B3GALT1: variants seen among roughly 807,000 people sequenced by gnomAD.
B3GALT1 encodes the protein beta-1,3-galactosyltransferase 1, also known as UDP-Gal:betaGlcNAc beta 1,3-galactosyltransferase, polypeptide 1.
In B3GALT1, 10 loss-of-function variants were observed where a neutral mutation model predicts 23.2. That is an observed-to-expected ratio of 0.43 (90% CI 0.27 to 0.73). B3GALT1 has a LOEUF of 0.73. Among genes scored for constraint, B3GALT1 ranks in the 30% least tolerant of loss-of-function variants. The pLI is 0.21. For missense variants in B3GALT1, 299 were observed against 405.4 expected (o/e 0.74, Z 2.25); for synonymous variants, 156 against 141.5 (o/e 1.10, Z -0.73).
At chr2:167,353,093 C>T (rs1373204285) in intron 1 of B3GALT1, among the ~76,000 whole-genome samples, 2 of 152,108 alleles carry the variant, frequency 1.3e-5, no homozygotes, top group Non-Finnish European at 2.9e-5. Flanking sequence ...CTGGTTTATT[C>T]AGTCTTGACC....
chr2:167,506,191 C>G (rs1171089297), intron 2 of B3GALT1, among the ~76,000 whole-genome samples: 1 of 152,160 alleles, frequency 6.6e-6, no homozygotes, highest in Non-Finnish European at 1.5e-5. Context: ...CATTGCACAC[C>G]TCTGTTTTCA....
chr2:167,726,282 G>C (rs1687314678), intron 3 of B3GALT1, among the ~76,000 whole-genome samples: 1 of 152,228 alleles, frequency 6.6e-6, no homozygotes, highest in South Asian at 2.1e-4. Flanking sequence ...AAGCCCAGAG[G>C]CCTTACACTG....
intron 1 of B3GALT1, among the ~76,000 whole-genome samples, chr2:167,296,252 T>C (rs557253207): frequency 6.6e-6 from 1 of 152,346 alleles, no homozygotes; most frequent in South Asian, 2.1e-4. Flanking sequence ...TGAATAGCAA[T>C]GCTAATAGAT....
chr2:167,382,741 C>T (rs967943634), intron 1 of B3GALT1, among the ~76,000 whole-genome samples: 4 of 152,158 alleles, frequency 2.6e-5, no homozygotes, highest in Middle Eastern at 3.4e-3. Context: ...GGGAGGTGGG[C>T]GGAGCAGGTC....
At chr2:167,812,403 A>G (rs1273941037) in intron 3 of B3GALT1, among the ~76,000 whole-genome samples, 1 of 152,254 alleles carries the variant, frequency 6.6e-6, no homozygotes, top group Non-Finnish European at 1.5e-5. Flanking sequence ...TGACAGCCAG[A>G]CATGAACAAG....
intron 3 of B3GALT1, among the ~76,000 whole-genome samples, chr2:167,803,967 T>C (rs2105343408): frequency 6.6e-6 from 1 of 152,304 alleles, no homozygotes; most frequent in Admixed American, 6.5e-5. Context: ...TTGCACGAAG[T>C]ATACACATAT....
chr2:167,520,476 T>C (rs909869039), intron 2 of B3GALT1, among the ~76,000 whole-genome samples: 3 of 152,152 alleles, frequency 2.0e-5, no homozygotes, highest in Non-Finnish European at 4.4e-5. Flanking sequence ...TGGTGAAGCA[T>C]CCCAGGAGTT....
chr2:167,468,176 T>C (rs1465434427), intron 1 of B3GALT1, among the ~76,000 whole-genome samples: 3 of 152,146 alleles, frequency 2.0e-5, no homozygotes, highest in Non-Finnish European at 2.9e-5. Context: ...ACTGTAATCT[T>C]ATAGAAAAGG....
At chr2:167,643,350 A>C (rs1265495485) in intron 2 of B3GALT1, among the ~76,000 whole-genome samples, 3 of 152,176 alleles carry the variant, frequency 2.0e-5, no homozygotes, top group Non-Finnish European at 4.4e-5. Flanking sequence ...TTGGGATTGG[A>C]TCAAAAGCCA....
intron 3 of B3GALT1, among the ~76,000 whole-genome samples, chr2:167,674,226 C>G (rs1032081554): frequency 2.0e-5 from 3 of 152,054 alleles, no homozygotes; most frequent in African/African-American, 7.2e-5. Flanking sequence ...ATGGTGCCTG[C>G]CAACAATCTG....
At chr2:167,623,896 G>T (rs1339309334) in intron 2 of B3GALT1, among the ~76,000 whole-genome samples, 1 of 151,936 alleles carries the variant, frequency 6.6e-6, no homozygotes, top group East Asian at 1.9e-4. Flanking sequence ...TTTTAGGCAG[G>T]ATAAAAATGC....
At chr2:167,678,250 G>A (rs1037074202) in intron 3 of B3GALT1, among the ~76,000 whole-genome samples, 4 of 152,242 alleles carry the variant, frequency 2.6e-5, no homozygotes, top group South Asian at 2.1e-4. Flanking sequence ...GCTGTTGATA[G>A]ATAGTTTCCA....
intron 2 of B3GALT1, among the ~76,000 whole-genome samples, chr2:167,525,607 T>C (rs951685730): frequency 6.6e-6 from 1 of 151,864 alleles, no homozygotes; most frequent in African/African-American, 2.4e-5. Context: ...ATGTAGCCAT[T>C]GGGAGCTCTT....
chr2:167,691,541 A>G (rs1211599814), intron 3 of B3GALT1, among the ~76,000 whole-genome samples: 1 of 152,172 alleles, frequency 6.6e-6, no homozygotes, highest in Non-Finnish European at 1.5e-5. Context: ...TTGTGTCACC[A>G]TGAATGAAAA....
chr2:167,498,130 A>G (rs16853655), intron 2 of B3GALT1, among the ~76,000 whole-genome samples: 2,149 of 152,298 alleles, frequency 0.014, 52 homozygotes, highest in East Asian at 0.11. Context: ...ACTGAGGTCT[A>G]CACACGCTTT....
At chr2:167,622,999 G>A (rs1685284967) in intron 2 of B3GALT1, among the ~76,000 whole-genome samples, 1 of 151,908 alleles carries the variant, frequency 6.6e-6, no homozygotes, top group African/African-American at 2.4e-5. Context: ...CATATGGTTA[G>A]CATTCTTTCC....
intron 1 of B3GALT1, among the ~76,000 whole-genome samples, chr2:167,373,454 T>C (rs1054564488): frequency 3.3e-5 from 5 of 152,118 alleles, no homozygotes; most frequent in African/African-American, 9.7e-5. Context: ...TCTAAATACG[T>C]ATTTCAGTCT....
At chr2:167,716,224 C>A (rs1443085144) in intron 3 of B3GALT1, among the ~76,000 whole-genome samples, 1 of 151,804 alleles carries the variant, frequency 6.6e-6, no homozygotes, top group Non-Finnish European at 1.5e-5. Flanking sequence ...AATGCGGGCA[C>A]CCCCCACAGG....
intron 4 of B3GALT1, among the ~76,000 whole-genome samples, chr2:167,835,082 C>G (rs1036794855): frequency 6.6e-6 from 1 of 152,172 alleles, no homozygotes; most frequent in African/African-American, 2.4e-5. Context: ...CAGCTCCGGT[C>G]TACAGCTCCC....
Sources: gnomAD v4.1 joint callset for allele counts (sites outside exome capture counted in the v4.1 genomes callset) on GRCh38, gnomAD v4.1.1 for gene constraint, MANE v1.5 for transcripts, NCBI Gene and HGNC (gene_info 2026-07-23, HGNC 2026-07-21) for gene names.